Variants in RFTN1 observed in about 807,000 individuals in gnomAD.
RFTN1 encodes raftlin, lipid raft linker 1, also known as raftlin.
In RFTN1, 26 loss-of-function variants were observed where a neutral mutation model predicts 46.5. The observed-to-expected ratio is 0.56, with a 90% CI of 0.41 to 0.78. RFTN1 has a LOEUF of 0.78. RFTN1 is among the 30% of genes least tolerant of loss of function. The pLI, the probability that RFTN1 is intolerant of heterozygous loss-of-function variation, is 0.00. For synonymous variants in RFTN1, 261 were observed against 284.2 expected (o/e 0.92, Z 0.82); for missense variants, 693 against 718.7 (o/e 0.96, Z 0.41).
At chr3:16,404,337 T>TATATATAATATATA (rs1439786923) in intron 4 of RFTN1, among the ~76,000 whole-genome samples, 1 of 33,570 alleles carries the variant, frequency 3.0e-5, no homozygotes, top group African/African-American at 1.2e-4. Context: ...TAATATATAA[T>TATATATAATATATA]ATATATAATA....
intron 3 of RFTN1, among the ~76,000 whole-genome samples, chr3:16,417,114 A>G (rs1166637154): frequency 1.3e-5 from 2 of 150,974 alleles, no homozygotes; most frequent in African/African-American, 2.4e-5. Flanking sequence ...GGCTCAAGCA[A>G]TCCTCCCACC....
chr3:16,493,812 A>G lies in RFTN1; in HGVS notation c.58T>C (p.Tyr20His), dbSNP rs776400944. The change falls in exon 2 of 10, where the codon TAT (tyrosine) becomes CAT (histidine). Residue 20 changes from tyrosine to histidine, a missense_variant. By Grantham distance (83) the Tyr-to-His change is moderately conservative. Transcript: ENST00000334133. The part of the protein sequence containing the change: ...KRDEKRPGNI[Y>H]STLKRPQVET... The stretch of plus-strand genomic sequence containing the variant: ...ACCTGAGGCCTCTTCAAAGTTGAAT[A>G]AATATTCCCAGGCCGTTTTTCATCA... The G allele has an allele frequency of 6.2e-6, 10 of 1,614,166 alleles. No individual in the cohort carries two copies. The highest frequency in any genetic ancestry group is 7.6e-6 in the Non-Finnish European group (9 of 1,180,036).
intron 6 of RFTN1, among the ~76,000 whole-genome samples, chr3:16,369,657 T>C (rs2073410149): frequency 6.6e-6 from 1 of 152,190 alleles, no homozygotes. Flanking sequence ...GTTCAATTTA[T>C]TTCTCTGCTG....
intron 6 of RFTN1, among the ~76,000 whole-genome samples, chr3:16,363,620 G>T (rs2072965364): frequency 2.6e-5 from 4 of 152,398 alleles, no homozygotes; most frequent in Middle Eastern, 3.4e-3. Context: ...CAGCCCCAGG[G>T]TGCTGTGCTT....
rs1295247510 is a variant in RFTN1, at chr3:16,323,392, T to C, written c.1316A>G (p.Lys439Arg). The C allele has an allele frequency of 3.0e-5, 49 of 1,610,000 alleles. No homozygotes were observed. Among genetic ancestry groups the C allele is most frequent in the Non-Finnish European group, 4.2e-5 (49 of 1,176,462 alleles). ...GTCTCTTACCTTCGATTCCTTCTTC[T>C]TGATTTTCTGAGGTAGACAAGGTCT... is the stretch of plus-strand genomic sequence containing the variant. ...LQRPCLPQKI[K>R]KKESKFQWRF... The change falls in exon 9 of 10, where the codon AAG becomes AGG. Residue 439 changes from lysine to arginine, a missense_variant. Transcript: ENST00000334133.
Position 16,380,276 on chromosome 3 carries a change from CTTAGT to C in RFTN1, c.442-2179_442-2175del, listed in dbSNP as rs918105696. Among the ~76,000 whole-genome samples, 3 of 152,200 alleles carry C rather than the reference CTTAGT, an allele frequency of 2.0e-5. No homozygotes were observed. The highest frequency in any genetic ancestry group is 4.8e-5 in the African/African-American group (2 of 41,438). ...CACTTATTTTGCAGTTGCACTGAAA[CTTAGT>C]TTAGACATTACATATGGCAAGTGCG... On this transcript the variant is annotated intron_variant, in intron 4 of 9. Transcript: ENST00000334133. The surrounding 1 kb of genome is among the most constrained non-coding windows in gnomAD (Gnocchi z 4.8).
At chr3:16,393,962 CTT>C (rs758088705) in intron 4 of RFTN1, among the ~76,000 whole-genome samples, 1 of 151,800 alleles carries the variant, frequency 6.6e-6, no homozygotes, top group Admixed American at 6.6e-5. Flanking sequence ...CCCGGCCAGA[CTT>C]TTTTTTAAGG....
intron 4 of RFTN1, among the ~76,000 whole-genome samples, chr3:16,390,327 A>C (rs952847087): frequency 6.6e-6 from 1 of 152,216 alleles, no homozygotes; most frequent in Non-Finnish European, 1.5e-5. Context: ...GCACACTCAA[A>C]TATACAGAAA....
chr3:16,499,461 G>A lies in RFTN1; in HGVS notation c.-8-5584C>T, dbSNP rs2076675833. Among the ~76,000 whole-genome samples the A allele has an allele frequency of 6.6e-6, 1 of 152,240 alleles. No homozygotes were observed. The highest frequency in any genetic ancestry group is 1.9e-4 in the East Asian group (1 of 5,202). On this transcript the variant is annotated intron_variant, in intron 1 of 9. Coordinates refer to ENST00000334133, the MANE Select transcript of RFTN1 (RefSeq NM_015150.2). The surrounding 1 kb of genome is among the most constrained non-coding windows in gnomAD (Gnocchi z 4.9). ...CCCCAAAGAGGGGCCCATGTGGAGA[G>A]GAACCGACAGCCAGGACCAACTTGC...
At position 16,433,724 on chromosome 3, in the gene RFTN1, T is replaced by C; in HGVS notation, c.332+127A>G. 1.1e-6 allele frequency: 1 copy of C among 935,854 alleles called. No homozygotes were observed. The allele number at this position is 935,854 out of a possible 1,614,324, so 58.0% of individuals were successfully genotyped here. A position where few individuals can be genotyped will look rare whatever the true frequency, so the allele number is the denominator to read the frequency against. On this transcript the variant is annotated intron_variant, in intron 3 of 9. Coordinates refer to ENST00000334133, the MANE Select transcript of RFTN1 (RefSeq NM_015150.2). The surrounding 1 kb of genome is among the most constrained non-coding windows in gnomAD (Gnocchi z 4.4). ...TGTCTAACTGTTTGCCTCACCTGTCTGAGGGCTGAGGCCCTGAGGACAGCA... is the reference window on the plus strand; with the variant it reads ...TGTCTAACTGTTTGCCTCACCTGTCCGAGGGCTGAGGCCCTGAGGACAGCA...
intron 4 of RFTN1, among the ~76,000 whole-genome samples, chr3:16,405,828 T>C (rs547059176): frequency 7.2e-5 from 11 of 152,276 alleles, no homozygotes; most frequent in African/African-American, 2.2e-4. Context: ...ACGAGTTAAT[T>C]ACCATCTCAT....
intron 2 of RFTN1, among the ~76,000 whole-genome samples, chr3:16,493,281 G>C (rs918466778): frequency 2.0e-5 from 3 of 151,762 alleles, no homozygotes; most frequent in Non-Finnish European, 4.4e-5. Context: ...GCCCAGGCTG[G>C]AGTGCAGTGG....
chr3:16,324,719 A>C (rs2069521022), intron 8 of RFTN1, among the ~76,000 whole-genome samples: 1 of 140,918 alleles, frequency 7.1e-6, no homozygotes. Flanking sequence ...TTCTTCATCC[A>C]TCTGATGAGG....
Position 16,352,703 on chromosome 3 carries a change from T to C in RFTN1, c.1146+5229A>G, listed in dbSNP as rs2072182230. ...CAGAAAGCAGTATGTAGTGAGGGCT[T>C]ACTATGTGCCCAGTCCTACATTCAC... On this transcript the variant is annotated intron_variant, in intron 7 of 9. Transcript: ENST00000334133. This position sits in a 1 kb window ranked among gnomAD's most constrained non-coding sequence, Gnocchi z 4.6. 6.6e-6 allele frequency among the ~76,000 whole-genome samples: 1 copy of C among 152,250 alleles called. No homozygotes were observed. The highest frequency in any genetic ancestry group is 2.1e-4 in the South Asian group (1 of 4,832).
At chr3:16,436,098 C>G (rs4685340) in intron 2 of RFTN1, among the ~76,000 whole-genome samples, 41,383 of 151,208 alleles carry the variant, frequency 0.27, 5,873 homozygotes, top group African/African-American at 0.3. Context: ...ATCCCTGTGA[C>G]ATGGTAACTT....
rs1559843974 is a variant in RFTN1, at chr3:16,345,855, T to TGTGTGTGTGTGTGTGC, written c.1146+12076_1146+12077insGCACACACACACACAC. On this transcript the variant is annotated intron_variant, in intron 7 of 9. Transcript: ENST00000334133. This position sits in a 1 kb window ranked among gnomAD's most constrained non-coding sequence, Gnocchi z 5.2. ...GCGCGCACGCGCACATGTGCATGTG[T>TGTGTGTGTGTGTGTGC]ATGTGTATAATCTCCTACTGGTTCT... Among the ~76,000 whole-genome samples, 1 of 61,734 alleles carries TGTGTGTGTGTGTGTGC rather than the reference T, an allele frequency of 1.6e-5. No homozygotes were observed. Among genetic ancestry groups the TGTGTGTGTGTGTGTGC allele is most frequent in the African/African-American group, 9.5e-5 (1 of 10,578 alleles). The allele number at this position is 61,734 out of a possible 152,430, so 40.5% of individuals were successfully genotyped here.
chr3:16,466,918 A>T lies in RFTN1; in HGVS notation c.145+26807T>A, dbSNP rs2076103823. ...ACAGACAAAGGGAGGGAGGATAAAA[A>T]GGAAGGTCACTCTGATTGAAGAGGA... On this transcript the variant is annotated intron_variant, in intron 2 of 9. Coordinates refer to ENST00000334133, the MANE Select transcript of RFTN1 (RefSeq NM_015150.2). The surrounding 1 kb of genome is among the most constrained non-coding windows in gnomAD (Gnocchi z 5.6). Among the ~76,000 whole-genome samples, 1 of 152,228 alleles carries T rather than the reference A, an allele frequency of 6.6e-6. No individual in the cohort carries two copies. Among genetic ancestry groups the T allele is most frequent in the African/African-American group, 2.4e-5 (1 of 41,458 alleles).
chr3:16,433,236 T>C lies in RFTN1; in HGVS notation c.332+615A>G, dbSNP rs2075431679. Among the ~76,000 whole-genome samples, 1 of 152,172 alleles carries C rather than the reference T, an allele frequency of 6.6e-6. No homozygotes were observed. The highest frequency in any genetic ancestry group is 1.5e-5 in the Non-Finnish European group (1 of 68,024). ...AAAGACTAACCCCACTTCTCTTTTCTTAATTAGGCTCAACTGAAATATAGG... is the reference window on the plus strand; with the variant it reads ...AAAGACTAACCCCACTTCTCTTTTCCTAATTAGGCTCAACTGAAATATAGG... On this transcript the variant is annotated intron_variant, in intron 3 of 9. Transcript: ENST00000334133. This position sits in a 1 kb window ranked among gnomAD's most constrained non-coding sequence, Gnocchi z 4.4.
chr3:16,351,139 C>G lies in RFTN1; in HGVS notation c.1146+6793G>C, dbSNP rs867410029. Among the ~76,000 whole-genome samples, 2 of 152,110 alleles carry G rather than the reference C, an allele frequency of 1.3e-5. No individual in the cohort carries two copies. The highest frequency in any genetic ancestry group is 2.9e-5 in the Non-Finnish European group (2 of 68,020). On this transcript the variant is annotated intron_variant, in intron 7 of 9. Coordinates refer to ENST00000334133, the MANE Select transcript of RFTN1 (RefSeq NM_015150.2). The surrounding 1 kb of genome is among the most constrained non-coding windows in gnomAD (Gnocchi z 5.4). ...AGTTACAGAAAAGTGTGTCATCGAG[C>G]CTTTCATGTAAATACAATAGAGGAA...
Sources: allele counts gnomAD v4.1 joint callset (sites outside exome capture counted in the v4.1 genomes callset), GRCh38; gene constraint gnomAD v4.1.1; non-coding constraint Gnocchi (gnomAD v3.1); transcripts MANE v1.5; gene names NCBI Gene and HGNC (gene_info 2026-07-23, HGNC 2026-07-21).